STK32C: variants seen among roughly 807,000 people sequenced by gnomAD.
The protein encoded by STK32C is serine/threonine-protein kinase 32C.
A neutral mutation model predicts 56.5 loss-of-function variants in STK32C; 31 were observed. The ratio of observed to expected loss-of-function variants is 0.55; its 90% CI spans 0.41 to 0.74. The LOEUF is 0.74. Among genes scored for constraint, STK32C ranks in the 30% least tolerant of loss-of-function variants. STK32C has a pLI of 0.00. For synonymous variants in STK32C, 309 were observed against 289.4 expected (o/e 1.07, Z -0.69); for missense variants, 544 against 676.9 (o/e 0.80, Z 2.18).
chr10:132,228,983 T>C (rs930426755), intron 2 of STK32C, among the ~76,000 whole-genome samples: 3 of 152,214 alleles, frequency 2.0e-5, no homozygotes, highest in Non-Finnish European at 4.4e-5. Context: ...GTGTCAACAC[T>C]GATGCCGCAA....
intron 1 of STK32C, among the ~76,000 whole-genome samples, chr10:132,261,031 T>A (rs2064285973): frequency 7.9e-6 from 1 of 126,184 alleles, no homozygotes. Context: ...CATCCCGACC[T>A]CCCACAGGCC....
At chr10:132,235,488 C>A (rs1460612843) in intron 2 of STK32C, among the ~76,000 whole-genome samples, 1 of 12,810 alleles carries the variant, frequency 7.8e-5, no homozygotes, top group African/African-American at 1.9e-4. Context: ...GAGCAAGACT[C>A]AGCCTTAAAA....
chr10:132,325,398 A>C (rs1482981766), intron 1 of STK32C, among the ~76,000 whole-genome samples: 3 of 152,130 alleles, frequency 2.0e-5, no homozygotes, highest in African/African-American at 7.2e-5. Context: ...TAAAAAATAC[A>C]AAAAATTAGC....
intron 1 of STK32C, among the ~76,000 whole-genome samples, chr10:132,280,027 A>G (rs1473108757): frequency 7.7e-6 from 1 of 130,464 alleles, no homozygotes; most frequent in Non-Finnish European, 1.6e-5. Context: ...GCACTCCATG[A>G]TCAGGACACT....
intron 1 of STK32C, among the ~76,000 whole-genome samples, chr10:132,303,707 G>A (rs1386835689): frequency 1.3e-5 from 2 of 152,218 alleles, no homozygotes; most frequent in Non-Finnish European, 2.9e-5. Context: ...GATAATCAAA[G>A]AAACTCAAAG....
chr10:132,315,992 A>G (rs2066302104), intron 1 of STK32C, among the ~76,000 whole-genome samples: 1 of 152,224 alleles, frequency 6.6e-6, no homozygotes, highest in South Asian at 2.1e-4. Flanking sequence ...AAATGGAATG[A>G]TTATAAAACC....
intron 1 of STK32C, among the ~76,000 whole-genome samples, chr10:132,271,922 G>A (rs2064838901): frequency 6.6e-6 from 1 of 152,222 alleles, no homozygotes; most frequent in Non-Finnish European, 1.5e-5. Flanking sequence ...ACTGCTCAGT[G>A]CCCGGACGCC....
At chr10:132,330,482 C>T (rs1132164) in intron 1 of STK32C, 257,991 of 712,122 alleles carry the variant, frequency 0.36, 48,695 homozygotes, top group Middle Eastern at 0.4. Flanking sequence ...GTGCTTTCAG[C>T]TTCCTGATTG....
intron 2 of STK32C, among the ~76,000 whole-genome samples, chr10:132,241,025 G>A (rs1223034380): frequency 6.6e-6 from 1 of 152,228 alleles, no homozygotes; most frequent in Non-Finnish European, 1.5e-5. Context: ...TCCGGCCTCT[G>A]CCCCTACAGA....
At position 132,307,909 on chromosome 10, in the gene STK32C, C is replaced by T; in HGVS notation, c.-76G>A. ...GCAGGGCCGGGAGCGGCAGTGGTAG[C>T]GGGAGCGCTCGGGGCCGGCAGCGCC... is the stretch of plus-strand genomic sequence containing the variant. On this transcript the variant is annotated 5_prime_UTR_variant, in exon 1 of 12. Coordinates refer to ENST00000298630, the MANE Select transcript of STK32C (RefSeq NM_173575.4). This position sits in a 1 kb window ranked among gnomAD's most constrained non-coding sequence, Gnocchi z 4.4. The T allele has an allele frequency of 9.1e-7, 1 of 1,093,178 alleles. No homozygotes were observed. Among genetic ancestry groups the T allele is most frequent in the Non-Finnish European group, 1.1e-6 (1 of 898,696 alleles). 67.7% of individuals were successfully genotyped at this position (1,093,178 alleles called of 1,614,324 possible).
rs534183530 is a variant in STK32C at position 132,237,532 on chromosome 10, C to T, written c.318+8368G>A. Among the ~76,000 whole-genome samples, 4 of 152,394 alleles carry T rather than the reference C, an allele frequency of 2.6e-5. No homozygotes were observed. The South Asian group carries it at 8.3e-4, about 32-fold the overall frequency. On this transcript the variant is annotated intron_variant, in intron 2 of 11. Transcript: ENST00000298630. ...CCCATTTAGGAGCACGTGGTAACCA[C>T]TCCTTCCTAAGCAGACTCTGCGCCG...
chr10:132,308,428 G>C (rs370229925), upstream of STK32C, among the ~76,000 whole-genome samples: 1 of 152,170 alleles, frequency 6.6e-6, no homozygotes, highest in South Asian at 2.1e-4. Context: ...CGCCCAGTGC[G>C]GGGAGCCCTA....
At chr10:132,237,551 T>C (rs1478617705) in intron 2 of STK32C, among the ~76,000 whole-genome samples, 1 of 152,244 alleles carries the variant, frequency 6.6e-6, no homozygotes, top group Non-Finnish European at 1.5e-5. Flanking sequence ...AAGCAGACTC[T>C]GCGCCGAGGT....
intron 1 of STK32C, among the ~76,000 whole-genome samples, chr10:132,326,091 C>T (rs1188786734): frequency 1.3e-5 from 2 of 152,156 alleles, no homozygotes; most frequent in Non-Finnish European, 2.9e-5. Flanking sequence ...GGGTGCTAGA[C>T]TATCAGTTCA....
At chr10:132,321,608 T>G (rs957565056), downstream of STK32C, among the ~76,000 whole-genome samples, 5 of 152,192 alleles carry the variant, frequency 3.3e-5, no homozygotes, top group African/African-American at 4.8e-5. Context: ...GGTGGGTGGA[T>G]GGCTGGAGTT....
chr10:132,296,388 G>T lies in STK32C; in HGVS notation c.262+11184C>A, dbSNP rs776713592. 2.0e-5 allele frequency among the ~76,000 whole-genome samples: 3 copies of T among 152,020 alleles called. No individual in the cohort carries two copies. The East Asian group carries it at 5.8e-4, about 29-fold the overall frequency. The stretch of plus-strand genomic sequence containing the variant: ...TCAGTTCACAACGAGGTATGGATAC[G>T]GGTCCTCTAGTTACGACAAATGTAC... On this transcript the variant is annotated intron_variant, in intron 1 of 11. Transcript: ENST00000298630.
At chr10:132,295,159 T>G (rs1476110731) in intron 1 of STK32C, among the ~76,000 whole-genome samples, 2 of 151,518 alleles carry the variant, frequency 1.3e-5, no homozygotes, top group African/African-American at 2.4e-5. Context: ...AAGCTAAGAG[T>G]CTTAAGCCGG....
intron 10 of STK32C, among the ~76,000 whole-genome samples, chr10:132,215,841 C>A (rs1303172391): frequency 6.6e-6 from 1 of 152,162 alleles, no homozygotes; most frequent in Non-Finnish European, 1.5e-5. Context: ...TTCCTAGAGA[C>A]TTGTTGAATG....
chr10:132,266,382 C>T (rs1212182637), intron 1 of STK32C, among the ~76,000 whole-genome samples: 1 of 152,142 alleles, frequency 6.6e-6, no homozygotes, highest in Non-Finnish European at 1.5e-5. Flanking sequence ...CGTTCTCTGT[C>T]TCCATGGGGG....
Sources: gnomAD v4.1 joint callset for allele counts (sites outside exome capture counted in the v4.1 genomes callset) on GRCh38, gnomAD v4.1.1 for gene constraint, Gnocchi (gnomAD v3.1) non-coding constraint, MANE v1.5 for transcripts, NCBI Gene and HGNC (gene_info 2026-07-23, HGNC 2026-07-21) for gene names.